CACNA1H: variants seen among roughly 807,000 people sequenced by gnomAD.
CACNA1H encodes the protein voltage-dependent T-type calcium channel subunit alpha-1H.
In CACNA1H, 149 loss-of-function variants were observed where a neutral mutation model predicts 192.5. The observed-to-expected ratio is 0.77, with a 90% confidence interval of 0.68 to 0.89. The LOEUF is 0.89. Among genes scored for constraint, CACNA1H ranks in the 40% least tolerant of loss-of-function variants. CACNA1H has a pLI of 0.00. For synonymous variants in CACNA1H, 2,202 were observed against 1,475.2 expected (o/e 1.49, Z -11.29); for missense variants, 4,257 against 3,423.5 (o/e 1.24, Z -6.08).
intron 16 of CACNA1H, among the ~76,000 whole-genome samples, 183 bp from the exon 17 acceptor site, chr16:1,208,849 C>T (rs1376242340): frequency 6.6e-6 from 1 of 152,214 alleles, no homozygotes; most frequent in Non-Finnish European, 1.5e-5. Context: ...CACCCTGACC[C>T]TCATGAGCTA....
rs754107173 is a variant in CACNA1H at position 1,218,278 on chromosome 16, C to G, written c.5514C>G (p.Val1838=). 42 of 1,552,724 alleles carry G rather than the reference C, an allele frequency of 2.7e-5. No homozygotes were observed. The highest frequency in any genetic ancestry group is 3.6e-5 in the Non-Finnish European group (41 of 1,148,258). The change falls in exon 33 of 35, where the codon GTC becomes GTG. Residue 1838 remains valine, a synonymous_variant. Transcript: ENST00000348261. ...GCTACCTGCCGGCCCTGTCGCCCGTCTACTTCGTGACCTTCGTGCTGGTGG... is the reference window on the plus strand; with the variant it reads ...GCTACCTGCCGGCCCTGTCGCCCGTGTACTTCGTGACCTTCGTGCTGGTGG... ...CLSYLPALSP[V]YFVTFVLVAQ...
At chr16:1,195,284 C>A in intron 3 of CACNA1H, 148 bp from the exon 4 acceptor site, 2 of 1,007,782 alleles carry the variant, frequency 2.0e-6, no homozygotes, top group Non-Finnish European at 1.4e-6. Context: ...CAAGGCGAGG[C>A]AGGGCTCAGT....
chr16:1,203,323 C>G (rs896377541), intron 9 of CACNA1H, among the ~76,000 whole-genome samples: 1 of 152,164 alleles, frequency 6.6e-6, no homozygotes, highest in African/African-American at 2.4e-5. Context: ...ATGGTTTGCT[C>G]GCATCGAGTC....
intron 2 of CACNA1H, among the ~76,000 whole-genome samples, chr16:1,183,700 C>A (rs1306227220): frequency 4.6e-5 from 7 of 152,262 alleles, no homozygotes; most frequent in African/African-American, 1.7e-4. Context: ...GTTTGATGTA[C>A]TTTCTGTCAT....
chr16:1,192,428 C>T (rs756221465), intron 2 of CACNA1H, among the ~76,000 whole-genome samples: 2 of 152,274 alleles, frequency 1.3e-5, no homozygotes, highest in Admixed American at 6.5e-5. Flanking sequence ...CTCCACTCTG[C>T]TGGCTGGACA....
chr16:1,165,598 C>G (rs1963681996), intron 2 of CACNA1H, among the ~76,000 whole-genome samples: 1 of 152,180 alleles, frequency 6.6e-6, no homozygotes, highest in South Asian at 2.1e-4. Flanking sequence ...ACAAGCCGGC[C>G]CGGAGCTGAG....
intron 2 of CACNA1H, among the ~76,000 whole-genome samples, chr16:1,170,317 G>A (rs116105275): frequency 0.033 from 5,081 of 152,292 alleles, 271 homozygotes; most frequent in African/African-American, 0.11. Flanking sequence ...AGCTGAGGTC[G>A]CACCATGGCT....
chr16:1,183,597 C>T (rs1047425161), intron 2 of CACNA1H, among the ~76,000 whole-genome samples: 3 of 152,236 alleles, frequency 2.0e-5, no homozygotes, highest in African/African-American at 4.8e-5. Flanking sequence ...GAACAGGACA[C>T]GTGCCTGTCG....
intron 13 of CACNA1H, 75 bp downstream of exon 13, chr16:1,207,193 C>T (rs1018542994): frequency 1.4e-5 from 21 of 1,549,738 alleles, no homozygotes; most frequent in Non-Finnish European, 1.8e-5. Flanking sequence ...CCGTCCTGCG[C>T]ATCCATAGCT....
At position 1,215,089 on chromosome 16, in the gene CACNA1H, T is replaced by G. The variant is rs1159157497; in HGVS notation, c.5039+8T>G. The G allele has an allele frequency of 6.2e-7, 1 of 1,607,940 alleles. No homozygotes were observed. Among genetic ancestry groups the G allele is most frequent in the Non-Finnish European group, 8.5e-7 (1 of 1,176,698 alleles). ...TCGGTTCTTCAAGGACAGGTGTGTG[T>G]GGTGGGGCCGTCTTGGGTTCTGGGG... On this transcript the variant is annotated splice_region_variant and intron_variant, in intron 28 of 34. Coordinates refer to ENST00000348261, the MANE Select transcript of CACNA1H (RefSeq NM_021098.3).
intron 2 of CACNA1H, among the ~76,000 whole-genome samples, chr16:1,194,417 C>T (rs975091099): frequency 3.3e-5 from 5 of 152,160 alleles, no homozygotes; most frequent in South Asian, 4.1e-4. Flanking sequence ...GGTGGGGCCG[C>T]GCAGCCCTGG....
At chr16:1,166,714 C>T (rs755806777) in intron 2 of CACNA1H, among the ~76,000 whole-genome samples, 1 of 152,172 alleles carries the variant, frequency 6.6e-6, no homozygotes. Context: ...CCTGCACCGG[C>T]TTCTCTCGAG....
chr16:1,210,454 C>T lies in CACNA1H; in HGVS notation c.3930C>T (p.Thr1310=), dbSNP rs1045330600. The T allele has an allele frequency of 7.4e-6, 12 of 1,612,024 alleles. No individual in the cohort carries two copies. Among genetic ancestry groups the T allele is most frequent in the Middle Eastern group, 1.6e-4 (1 of 6,084 alleles). ...TCTTCATCTTCCTCAACTGCGTCAC[C>T]ATCGCCCTGGAGAGGCCTGACATTG... ...VLVFIFLNCV[T]IALERPDIDP... Residue 1310 remains threonine, a synonymous_variant, in exon 19 of 35, where the codon ACC becomes ACT. Transcript: ENST00000348261.
At chr16:1,202,850 C>T (rs1043946327) in intron 9 of CACNA1H, among the ~76,000 whole-genome samples, 1 of 152,108 alleles carries the variant, frequency 6.6e-6, no homozygotes, top group African/African-American at 2.4e-5. Flanking sequence ...AGGCTGGCCC[C>T]CCTTCTAGGT....
rs199536335 is a variant in CACNA1H at position 1,215,518 on chromosome 16, C to T, written c.5174-5C>T. 3.1e-4 allele frequency: 495 copies of T among 1,611,000 alleles called. 1 individual carries two copies. Among genetic ancestry groups the T allele is most frequent in the Non-Finnish European group, 3.9e-4 (455 of 1,179,242 alleles). ...GCCCTGCTGACGCTCAGCTCCCGGC[C>T]CTAGTGCTGAAGCTGCTGAAGATGG... On this transcript the variant is annotated splice_polypyrimidine_tract_variant and splice_region_variant and intron_variant, in intron 29 of 34. Transcript: ENST00000348261.
rs560783884 is a variant in CACNA1H at position 1,204,140 on chromosome 16, G to A, written c.2133G>A (p.Glu711=). The A allele has an allele frequency of 3.1e-6, 5 of 1,612,448 alleles. No homozygotes were observed. The Admixed American group carries it at 6.7e-5, about 21-fold the overall frequency. ...GCACCCGTGCCCTGGAGGACCCGGAGGGTGAGCTCAGCGGCTCGGAAAGTG... is the reference window on the plus strand; with the variant it reads ...GCACCCGTGCCCTGGAGGACCCGGAAGGTGAGCTCAGCGGCTCGGAAAGTG... ...PYCTRALEDP[E]GELSGSESGD... is the part of the protein sequence containing the mutation. Residue 711 remains glutamate (E), a synonymous_variant, in exon 10 of 35, where the codon GAG becomes GAA. Transcript: ENST00000348261.
intron 2 of CACNA1H, among the ~76,000 whole-genome samples, chr16:1,194,741 C>G (rs546776412): frequency 2.0e-5 from 3 of 152,072 alleles, no homozygotes; most frequent in Admixed American, 6.5e-5. Context: ...GCCAGGGGGC[C>G]GGGCCTGGGA....
At chr16:1,214,944 C>T (rs748979098) in intron 27 of CACNA1H, 28 bp from the exon 28 acceptor site, 42 of 1,542,618 alleles carry the variant, frequency 2.7e-5, no homozygotes, top group Non-Finnish European at 3.5e-5. Flanking sequence ...CCAGCCCCAC[C>T]TCAGCCAGCC....
intron 34 of CACNA1H, among the ~76,000 whole-genome samples, chr16:1,219,661 C>T (rs1040422858): frequency 1.3e-5 from 2 of 152,234 alleles, no homozygotes; most frequent in Non-Finnish European, 2.9e-5. Flanking sequence ...AGAGCCCCAT[C>T]CTGGGGGTGC....
Sources: gnomAD v4.1 joint callset for allele counts (sites outside exome capture counted in the v4.1 genomes callset) on GRCh38, gnomAD v4.1.1 for gene constraint, MANE v1.5 for transcripts, NCBI Gene and HGNC (gene_info 2026-07-23, HGNC 2026-07-21) for gene names.